The following MTHFD1 variants were observed in gnomAD, a reference collection of about 807,000 sequenced individuals.
MTHFD1 encodes C-1-tetrahydrofolate synthase, cytoplasmic.
A neutral mutation model predicts 110.3 loss-of-function variants in MTHFD1; 44 were observed. That is an observed-to-expected ratio of 0.40 (90% CI 0.31 to 0.51). MTHFD1 has a LOEUF of 0.51. Among genes scored for constraint, MTHFD1 ranks in the 20% least tolerant of loss-of-function variants. The probability of loss-of-function intolerance (pLI) is 0.60; values close to 1 mark genes in which losing one functional copy is unlikely to be tolerated. For missense variants in MTHFD1, 909 were observed against 1,173.1 expected (o/e 0.77, Z 3.29); for synonymous variants, 402 against 428.8 (o/e 0.94, Z 0.77).
chr14:64,430,285 A>G, intron 13 of MTHFD1, 55 bp downstream of exon 13: 3 of 1,508,184 alleles, frequency 2.0e-6, no homozygotes, highest in Non-Finnish European at 2.8e-6. Flanking sequence ...GTCGGGGGGG[A>G]GGGTGCTGAA....
chr14:64,458,165 G>A, intron 26 of MTHFD1, 49 bp from the exon 27 acceptor site: 1 of 1,408,824 alleles, frequency 7.1e-7, no homozygotes, highest in Non-Finnish European at 1.0e-6. Flanking sequence ...ATAGGCGTGA[G>A]CCACTGTGCC....
At position 64,411,079 on chromosome 14, in the gene MTHFD1, T is replaced by C; in HGVS notation, c.127-11T>C. The C allele has an allele frequency of 1.9e-6, 3 of 1,597,796 alleles. No individual in the cohort carries two copies. Among genetic ancestry groups the C allele is most frequent in the Non-Finnish European group, 2.6e-6 (3 of 1,165,454 alleles). On this transcript the variant is annotated splice_polypyrimidine_tract_variant and intron_variant, in intron 2 of 27. Transcript: ENST00000652337. ...CCTAATCATCTGATTTGCATGCATT[T>C]ATTATTCTAGGTTGGCAACAGAGAT...
intron 15 of MTHFD1, among the ~76,000 whole-genome samples, chr14:64,432,890 G>T (rs1003460100): frequency 2.0e-5 from 3 of 151,952 alleles, no homozygotes; most frequent in Non-Finnish European, 4.4e-5. Flanking sequence ...GAGCACCTGG[G>T]ACTATAGGTA....
chr14:64,458,444 G>C (rs2078509808), intron 27 of MTHFD1, 137 bp downstream of exon 27: 1 of 727,836 alleles, frequency 1.4e-6, no homozygotes, highest in Non-Finnish European at 2.5e-6. Flanking sequence ...CCTGAGGGGA[G>C]AGGGGATAGT....
intron 1 of MTHFD1, among the ~76,000 whole-genome samples, chr14:64,397,673 G>A (rs2077868990): frequency 6.6e-6 from 1 of 152,096 alleles, no homozygotes; most frequent in Non-Finnish European, 1.5e-5. Flanking sequence ...TGCCATTTGA[G>A]AATTATTTGA....
At chr14:64,436,796 C>G (rs1000373363) in intron 16 of MTHFD1, among the ~76,000 whole-genome samples, 2 of 152,200 alleles carry the variant, frequency 1.3e-5, no homozygotes, top group Non-Finnish European at 2.9e-5. Context: ...AAGGAATAAG[C>G]TAAAAGTCCA....
Position 64,427,398 on chromosome 14 carries a change from C to CT in MTHFD1, c.1191dup (p.Gly398TrpfsTer42), listed in dbSNP as rs763098444. The CT allele has an allele frequency of 6.2e-7, 1 of 1,614,180 alleles. No homozygotes were observed. Among genetic ancestry groups the CT allele is most frequent in the African/African-American group, 1.3e-5 (1 of 75,058 alleles). The stretch of plus-strand genomic sequence containing the variant: ...AACTACAATCGGGCTAGTGCAAGCC[C>CT]TTGGTGCCCATCTCTACCAGAATGT... On this transcript the variant is annotated frameshift_variant, in exon 12 of 28. Coordinates refer to ENST00000652337, the MANE Select transcript of MTHFD1 (RefSeq NM_005956.4). LOFTEE classifies it high-confidence loss of function.
intron 3 of MTHFD1, 37 bp from the exon 4 acceptor site, chr14:64,412,435 T>C: frequency 1.3e-6 from 2 of 1,517,324 alleles, no homozygotes; most frequent in Non-Finnish European, 1.8e-6. Flanking sequence ...TCTCAAGTTG[T>C]CTTGCCATTT....
intron 27 of MTHFD1, chr14:64,458,561 T>G: frequency 3.9e-6 from 2 of 508,666 alleles, no homozygotes; most frequent in South Asian, 4.1e-5. Context: ...GGGAGAAAAC[T>G]GCTGTCCAAT....
chr14:64,420,020 T>C (rs1203350479), intron 8 of MTHFD1, 95 bp downstream of exon 8: 1 of 894,586 alleles, frequency 1.1e-6, no homozygotes, highest in Non-Finnish European at 1.8e-6. Flanking sequence ...TCTCATTTTA[T>C]GCTTGTAGTA....
At chr14:64,421,756 TG>T (rs1364573968) in intron 8 of MTHFD1, among the ~76,000 whole-genome samples, 1 of 152,164 alleles carries the variant, frequency 6.6e-6, no homozygotes, top group Non-Finnish European at 1.5e-5. Flanking sequence ...CCCGAGTAGC[TG>T]GGACTACAGG....
Position 64,459,988 on chromosome 14 carries a change from A to G in MTHFD1, c.*234A>G. 1 of 1,436,804 alleles carries G rather than the reference A, an allele frequency of 7.0e-7. No individual in the cohort carries two copies. The highest frequency in any genetic ancestry group is 2.5e-5 in the East Asian group (1 of 40,392). The allele number at this position is 1,436,804 out of a possible 1,614,324, so 89.0% of individuals were successfully genotyped here. A position where few individuals can be genotyped will look rare whatever the true frequency, so the allele number is the denominator to read the frequency against. On this transcript the variant is annotated 3_prime_UTR_variant, in exon 28 of 28. Coordinates refer to ENST00000652337, the MANE Select transcript of MTHFD1 (RefSeq NM_005956.4). ...ACTTTAGTGACGTTCCACAGAATAAAAGGAAACAAGTTTGCCATCTTGGTG... is the reference window on the plus strand; with the variant it reads ...ACTTTAGTGACGTTCCACAGAATAAGAGGAAACAAGTTTGCCATCTTGGTG...
chr14:64,409,434 C>T (rs943373082), intron 2 of MTHFD1, among the ~76,000 whole-genome samples: 2 of 152,150 alleles, frequency 1.3e-5, no homozygotes, highest in African/African-American at 4.8e-5. Context: ...ACAATTTAAT[C>T]TCAGAGTTAA....
Position 64,459,798 on chromosome 14 carries a change from C to T in MTHFD1, c.*44C>T. ...TCAAGAAGCTACTTTGAAAGTCTGG[C>T]CAGTGTCTATTCAGGCCCACTGGGA... is the stretch of plus-strand genomic sequence containing the variant. On this transcript the variant is annotated 3_prime_UTR_variant, in exon 28 of 28. Transcript: ENST00000652337. The T allele has an allele frequency of 1.3e-6, 2 of 1,535,958 alleles. No individual in the cohort carries two copies. Among genetic ancestry groups the T allele is most frequent in the Non-Finnish European group, 8.7e-7 (1 of 1,146,788 alleles).
chr14:64,429,873 A>G (rs931058745), intron 12 of MTHFD1, among the ~76,000 whole-genome samples: 4 of 152,206 alleles, frequency 2.6e-5, no homozygotes, highest in African/African-American at 9.7e-5. Flanking sequence ...GCTTTATGAG[A>G]GTAGGAAATT....
chr14:64,415,020 A>C (rs913922065), intron 4 of MTHFD1, among the ~76,000 whole-genome samples: 1 of 151,986 alleles, frequency 6.6e-6, no homozygotes, highest in South Asian at 2.1e-4. Flanking sequence ...GTTTTTGTAG[A>C]TATCACATTT....
rs748137167 is a variant in MTHFD1, at chr14:64,440,115, C to G, written c.1675-11C>G. Reference sequence around the variant, plus strand: ...AAAGTTTTTGCTAGTACCTCTTTTCCCTGCCCACAGGCCCAGTTTGATATC... The same window carrying G: ...AAAGTTTTTGCTAGTACCTCTTTTCGCTGCCCACAGGCCCAGTTTGATATC... On this transcript the variant is annotated splice_polypyrimidine_tract_variant and intron_variant, in intron 17 of 27. Transcript: ENST00000652337. 6.2e-7 allele frequency: 1 copy of G among 1,610,416 alleles called. No homozygotes were observed. The highest frequency in any genetic ancestry group is 1.3e-5 in the African/African-American group (1 of 74,928).
At chr14:64,445,841 C>T (rs1355540258) in intron 22 of MTHFD1, among the ~76,000 whole-genome samples, 3 of 152,134 alleles carry the variant, frequency 2.0e-5, no homozygotes, top group East Asian at 1.9e-4. Context: ...TCTTGATCAG[C>T]GTTACATATT....
At chr14:64,393,936 T>C (rs1039361145) in intron 1 of MTHFD1, among the ~76,000 whole-genome samples, 17 of 152,080 alleles carry the variant, frequency 1.1e-4, no homozygotes, top group African/African-American at 3.9e-4. Flanking sequence ...AGCTTCACTT[T>C]CCTTTCTGTG....
Sources: gnomAD v4.1 joint callset for allele counts (sites outside exome capture counted in the v4.1 genomes callset) on GRCh38, gnomAD v4.1.1 for gene constraint, MANE v1.5 for transcripts, NCBI Gene and HGNC (gene_info 2026-07-23, HGNC 2026-07-21) for gene names.